AFF3: variants seen among roughly 807,000 people sequenced by gnomAD.
AFF3 encodes the protein ALF transcription elongation factor 3, also known as AF4/FMR2 family member 3.
Under a neutral mutation model 129.7 loss-of-function variants are expected in AFF3, and 32 were observed. That is an observed-to-expected ratio of 0.25 (90% CI 0.19 to 0.33). The LOEUF (loss-of-function observed/expected upper bound fraction) is 0.33. AFF3 is among the 10% of genes least tolerant of loss of function. The pLI, the probability that AFF3 is intolerant of heterozygous loss-of-function variation, is 1.00. For synonymous variants in AFF3, 644 were observed against 635.4 expected (o/e 1.01, Z -0.20); for missense variants, 1,373 against 1,592.0 (o/e 0.86, Z 2.34).
chr2:99,554,517 G>A lies in AFF3; in HGVS notation c.3353C>T (p.Ser1118Phe). 6.2e-7 allele frequency: 1 copy of A among 1,613,370 alleles called. No individual in the cohort carries two copies. Among genetic ancestry groups the A allele is most frequent in the Non-Finnish European group, 8.5e-7 (1 of 1,179,824 alleles). ...GASGKSTGTP[S>F]PMSPNPSPAS... ...GGGAGAGGGGTTGGGAGACATGGGG[G>A]ATGGGGTTCCAGTGCTCCTGGAAGG... Residue 1118 changes from serine to phenylalanine, a missense_variant, in exon 24 of 25, where the codon TCC (serine) becomes TTC (phenylalanine). This residue lies in a region of AFF3 where 165 missense variants were observed against 234.0 expected (regional missense o/e 0.71). Coordinates refer to ENST00000672756, the MANE Select transcript of AFF3 (RefSeq NM_001386135.1).
At chr2:100,008,718 A>G (rs1682217683) in intron 5 of AFF3, 94 bp downstream of exon 5, 2 of 1,444,476 alleles carry the variant, frequency 1.4e-6, no homozygotes. Flanking sequence ...GATGCAGTCA[A>G]GTTTGGTCGG....
Position 99,985,513 on chromosome 2 carries a change from T to C in AFF3, c.873+21119A>G, listed in dbSNP as rs189119975. ...TTGGTGTGGAGTTAGATCAGAGAAA[T>C]AAAACTAATGAAATGATAAAATTAC... is the stretch of plus-strand genomic sequence containing the variant. On this transcript the variant is annotated intron_variant, in intron 7 of 24. Transcript: ENST00000672756. Among the ~76,000 whole-genome samples the C allele has an allele frequency of 1.9e-3, 288 of 152,186 alleles. 1 individual carries two copies. The highest frequency in any genetic ancestry group is 3.3e-3 in the South Asian group (16 of 4,826).
intron 4 of AFF3, among the ~76,000 whole-genome samples, chr2:100,103,323 A>C (rs541244765): frequency 2.6e-5 from 4 of 152,024 alleles, no homozygotes; most frequent in African/African-American, 9.7e-5. Context: ...ATTAAAGCAA[A>C]AGGAAAAAAA....
chr2:99,950,356 GT>G (rs1440899635), intron 7 of AFF3, among the ~76,000 whole-genome samples: 1 of 152,188 alleles, frequency 6.6e-6, no homozygotes, highest in Non-Finnish European at 1.5e-5. Context: ...GGAAAAATAA[GT>G]TAAAGAAGAG....
At chr2:100,033,206 A>T (rs1370890438) in intron 4 of AFF3, among the ~76,000 whole-genome samples, 2 of 152,190 alleles carry the variant, frequency 1.3e-5, no homozygotes, top group Non-Finnish European at 2.9e-5. Context: ...CAATGTTGCA[A>T]AGAGCCTTCA....
chr2:99,966,460 G>A (rs1677761718), intron 7 of AFF3, among the ~76,000 whole-genome samples: 1 of 151,792 alleles, frequency 6.6e-6, no homozygotes, highest in African/African-American at 2.4e-5. Context: ...GGAGGCCGAG[G>A]CGGGCGGATC....
At chr2:100,090,523 TA>T (rs1689765096) in intron 4 of AFF3, among the ~76,000 whole-genome samples, 1 of 152,238 alleles carries the variant, frequency 6.6e-6, no homozygotes, top group African/African-American at 2.4e-5. Context: ...GAAGCCTGTT[TA>T]ATTAGAATTC....
At chr2:99,955,325 G>T (rs1676536063) in intron 7 of AFF3, among the ~76,000 whole-genome samples, 1 of 152,126 alleles carries the variant, frequency 6.6e-6, no homozygotes, top group Non-Finnish European at 1.5e-5. Flanking sequence ...CTGTCCTCTA[G>T]ACATAATTAT....
intron 4 of AFF3, among the ~76,000 whole-genome samples, chr2:100,048,875 T>C (rs555942408): frequency 6.6e-6 from 1 of 152,324 alleles, no homozygotes; most frequent in Non-Finnish European, 1.5e-5. Context: ...TATCAAATCC[T>C]ACTGACAGTC....
intron 8 of AFF3, among the ~76,000 whole-genome samples, chr2:99,823,469 T>C (rs948744948): frequency 6.6e-6 from 1 of 152,242 alleles, no homozygotes; most frequent in African/African-American, 2.4e-5. Flanking sequence ...AAATAATATG[T>C]ACTTTACATG....
At chr2:99,716,705 A>G (rs900943614) in intron 11 of AFF3, among the ~76,000 whole-genome samples, 12 of 151,748 alleles carry the variant, frequency 7.9e-5, no homozygotes, top group Non-Finnish European at 1.6e-4. Flanking sequence ...ACATGGTGAA[A>G]CCCCATCTCT....
chr2:99,983,110 A>C (rs1226939143), intron 7 of AFF3, among the ~76,000 whole-genome samples: 1 of 152,238 alleles, frequency 6.6e-6, no homozygotes, highest in African/African-American at 2.4e-5. Context: ...ACTCAAGCGT[A>C]AGAGATTAGA....
At chr2:99,698,030 T>TA (rs1174192920) in intron 11 of AFF3, among the ~76,000 whole-genome samples, 1 of 152,228 alleles carries the variant, frequency 6.6e-6, no homozygotes, top group East Asian at 1.9e-4. Context: ...GTTCAAAATA[T>TA]AATTCCAAGT....
At chr2:99,734,263 C>T (rs1483113765) in intron 10 of AFF3, among the ~76,000 whole-genome samples, 1 of 151,716 alleles carries the variant, frequency 6.6e-6, no homozygotes. Flanking sequence ...AGCAATCTTG[C>T]TAAATTTTCT....
intron 4 of AFF3, among the ~76,000 whole-genome samples, chr2:100,042,277 C>T (rs985019105): frequency 1.3e-5 from 2 of 152,214 alleles, no homozygotes; most frequent in African/African-American, 4.8e-5. Context: ...CCGCAGCCAC[C>T]CCAGCGAGTG....
chr2:99,950,172 C>T (rs1039656131), intron 7 of AFF3, among the ~76,000 whole-genome samples: 4 of 152,172 alleles, frequency 2.6e-5, no homozygotes, highest in African/African-American at 9.7e-5. Context: ...GCCACTGCAT[C>T]AACTCAGTTT....
rs544367637 is a variant in AFF3, at chr2:99,679,736, C to T, written c.1092-7147G>A. 8.5e-5 allele frequency among the ~76,000 whole-genome samples: 13 copies of T among 152,326 alleles called. No homozygotes were observed. In the South Asian group the frequency reaches 2.7e-3, roughly 32 times the overall value. ...TAGCCAGCATTAGCCTGAATTCTGT[C>T]CCTAACTAGCTCTGTGAACTTAGGC... On this transcript the variant is annotated intron_variant, in intron 11 of 24. Transcript: ENST00000672756.
chr2:99,923,259 C>G (rs1301251696), intron 7 of AFF3, among the ~76,000 whole-genome samples: 1 of 152,162 alleles, frequency 6.6e-6, no homozygotes, highest in Non-Finnish European at 1.5e-5. Context: ...CCATACTGCT[C>G]AAAGTTCAAT....
At chr2:99,780,280 G>A (rs551991745) in intron 8 of AFF3, among the ~76,000 whole-genome samples, 52 of 152,208 alleles carry the variant, frequency 3.4e-4, no homozygotes, top group African/African-American at 1.0e-3. Flanking sequence ...TCAGTTTCCC[G>A]CCTACTGAAC....
Sources: gnomAD v4.1 joint callset for allele counts (sites outside exome capture counted in the v4.1 genomes callset) on GRCh38, gnomAD v4.1.1 for gene constraint, gnomAD v4.1.1 regional missense constraint, MANE v1.5 for transcripts, NCBI Gene and HGNC (gene_info 2026-07-23, HGNC 2026-07-21) for gene names.